Variants in KLF12 observed in about 807,000 individuals in gnomAD.
The protein encoded by KLF12 is Krueppel-like factor 12.
KLF12 carries 9 observed loss-of-function variants against 37.8 expected under a neutral mutation model. That is an observed-to-expected ratio of 0.24 (90% CI 0.14 to 0.42). KLF12 has a LOEUF of 0.42. KLF12 is among the 10% of genes least tolerant of loss of function. The pLI, the probability that KLF12 is intolerant of heterozygous loss-of-function variation, is 1.00. For synonymous variants in KLF12, 208 were observed against 202.1 expected (o/e 1.03, Z -0.25); for missense variants, 411 against 516.0 (o/e 0.80, Z 1.97).
chr13:73,823,614 T>C (rs1566395314), intron 4 of KLF12, among the ~76,000 whole-genome samples: 1 of 152,234 alleles, frequency 6.6e-6, no homozygotes, highest in Non-Finnish European at 1.5e-5. Context: ...GGTCTAAGAC[T>C]ATCAAAAATC....
At chr13:73,889,590 C>G (rs1272688282) in intron 3 of KLF12, among the ~76,000 whole-genome samples, 4 of 152,120 alleles carry the variant, frequency 2.6e-5, no homozygotes, top group Non-Finnish European at 5.9e-5. Flanking sequence ...GCTAAGAAAA[C>G]TCAATGATAA....
chr13:74,266,343 AC>A, the KLF12 span, among the ~76,000 whole-genome samples: 1 of 152,160 alleles, frequency 6.6e-6, no homozygotes, highest in Admixed American at 6.5e-5. Flanking sequence ...AGGACTAAAT[AC>A]CTGGCATTAT....
intron 1 of KLF12, among the ~76,000 whole-genome samples, chr13:74,030,533 C>T (rs1033885689): frequency 2.6e-5 from 4 of 152,074 alleles, no homozygotes; most frequent in Non-Finnish European, 5.9e-5. Context: ...GTCTGAACAC[C>T]TCTACTGTTT....
chr13:74,142,824 C>T, the KLF12 span, among the ~76,000 whole-genome samples: 1 of 152,186 alleles, frequency 6.6e-6, no homozygotes, highest in African/African-American at 2.4e-5. Flanking sequence ...AACGTATGTA[C>T]TCAGTTAATT....
chr13:73,852,606 G>C (rs1885388235), intron 3 of KLF12, among the ~76,000 whole-genome samples: 1 of 151,922 alleles, frequency 6.6e-6, no homozygotes, highest in Non-Finnish European at 1.5e-5. Context: ...GTGAAACCCA[G>C]TCTCTACTAA....
At chr13:73,802,101 T>G (rs1035725755) in intron 5 of KLF12, 11 of 152,158 alleles carry the variant, frequency 7.2e-5, no homozygotes, top group Non-Finnish European at 2.9e-5. Flanking sequence ...GGGGGGTGTC[T>G]GTCAAATTGA....
the KLF12 span, among the ~76,000 whole-genome samples, chr13:74,280,381 A>T: frequency 2.0e-5 from 3 of 152,202 alleles, no homozygotes; most frequent in Non-Finnish European, 2.9e-5. Flanking sequence ...CAGGTTAAAC[A>T]GTCTGTTCCT....
In KLF12 at chr13:73,693,416, A is replaced by G. The variant is rs1873928624; in HGVS notation, c.*2074T>C. ...GAACTGCAGCCCTTGTTGGAGGGAA[A>G]TTGCTTGATGAATTTTTGAGACCTG... On this transcript the variant is annotated 3_prime_UTR_variant, in exon 8 of 8. Coordinates refer to ENST00000377669, the MANE Select transcript of KLF12 (RefSeq NM_007249.5). The G allele has an allele frequency of 6.6e-6, 1 of 152,220 alleles. No homozygotes were observed. The highest frequency in any genetic ancestry group is 1.9e-4 in the East Asian group (1 of 5,200). The allele number at this position is 152,220 out of a possible 1,614,324, so 9.4% of individuals were successfully genotyped here.
At chr13:73,878,525 G>A (rs894449967) in intron 3 of KLF12, among the ~76,000 whole-genome samples, 12 of 152,148 alleles carry the variant, frequency 7.9e-5, no homozygotes, top group East Asian at 3.9e-4. Context: ...TTTGTTCTGC[G>A]TTGTGCACTG....
intron 2 of KLF12, among the ~76,000 whole-genome samples, chr13:73,993,078 A>G (rs1489964588): frequency 2.0e-5 from 3 of 152,274 alleles, no homozygotes; most frequent in African/African-American, 7.2e-5. Flanking sequence ...CTAAAAATAC[A>G]AAAAATTAGC....
At chr13:74,205,081 T>G in the KLF12 span, among the ~76,000 whole-genome samples, 1 of 152,136 alleles carries the variant, frequency 6.6e-6, no homozygotes, top group Non-Finnish European at 1.5e-5. Flanking sequence ...CCATGTATTT[T>G]TTTTGGTTCT....
chr13:73,773,661 T>C (rs1351274096), intron 5 of KLF12, among the ~76,000 whole-genome samples: 2 of 152,212 alleles, frequency 1.3e-5, no homozygotes, highest in Non-Finnish European at 2.9e-5. Flanking sequence ...GGCTGCACTA[T>C]AGCATAGTGA....
intron 4 of KLF12, among the ~76,000 whole-genome samples, chr13:73,823,032 A>C (rs1377486097): frequency 6.6e-6 from 1 of 152,250 alleles, no homozygotes; most frequent in African/African-American, 2.4e-5. Context: ...TATGGAGAAC[A>C]ATGAGATCAC....
chr13:74,005,869 A>G (rs1892397858), intron 1 of KLF12, among the ~76,000 whole-genome samples: 2 of 152,194 alleles, frequency 1.3e-5, no homozygotes, highest in South Asian at 4.1e-4. Flanking sequence ...AAATTACAAC[A>G]TGCTTCAGTC....
intron 6 of KLF12, among the ~76,000 whole-genome samples, chr13:73,753,307 T>C (rs781717599): frequency 1.3e-5 from 2 of 152,164 alleles, no homozygotes; most frequent in Non-Finnish European, 2.9e-5. Context: ...TTCTAGCACC[T>C]GGAATAATGT....
chr13:74,070,983 A>G (rs900240087), intron 1 of KLF12, among the ~76,000 whole-genome samples: 1 of 152,360 alleles, frequency 6.6e-6, no homozygotes, highest in African/African-American at 2.4e-5. Context: ...CACAACACAA[A>G]TATCAACAAA....
At chr13:73,696,213 G>A (rs1874138282) in intron 7 of KLF12, among the ~76,000 whole-genome samples, 2 of 152,058 alleles carry the variant, frequency 1.3e-5, no homozygotes, top group South Asian at 2.1e-4. Flanking sequence ...AGTACATATT[G>A]TTCATAGATA....
At chr13:73,792,693 C>T (rs1881758505) in intron 5 of KLF12, among the ~76,000 whole-genome samples, 1 of 152,090 alleles carries the variant, frequency 6.6e-6, no homozygotes, top group Non-Finnish European at 1.5e-5. Context: ...GAGCTGTACA[C>T]TTAAGATCTG....
chr13:74,247,444 T>C, the KLF12 span, among the ~76,000 whole-genome samples: 4 of 152,180 alleles, frequency 2.6e-5, no homozygotes, highest in African/African-American at 7.2e-5. Flanking sequence ...TTTTGGCACA[T>C]ATCCAGATGT....
Sources: allele counts gnomAD v4.1 joint callset (sites outside exome capture counted in the v4.1 genomes callset), GRCh38; gene constraint gnomAD v4.1.1; transcripts MANE v1.5; gene names NCBI Gene and HGNC (gene_info 2026-07-23, HGNC 2026-07-21).